Variants in SORCS3 observed in about 807,000 individuals in gnomAD.
SORCS3 encodes VPS10 domain-containing receptor SorCS3.
Under a neutral mutation model 146.3 loss-of-function variants are expected in SORCS3, and 57 were observed. The observed-to-expected ratio is 0.39, with a 90% CI of 0.31 to 0.49. The LOEUF (loss-of-function observed/expected upper bound fraction) is 0.49. Ranked by LOEUF, SORCS3 falls within the 20% of genes least tolerant of loss-of-function variation. The pLI, the probability that SORCS3 is intolerant of heterozygous loss-of-function variation, is 0.92. For synonymous variants in SORCS3, 653 were observed against 618.5 expected, an observed-to-expected ratio of 1.06 and a Z score of -0.83; for missense variants, 1,341 against 1,575.5, an observed-to-expected ratio of 0.85 and a Z score of 2.52.
chr10:105,061,042 T>C (rs1256625349), intron 5 of SORCS3, among the ~76,000 whole-genome samples: 3 of 152,144 alleles, frequency 2.0e-5, no homozygotes, highest in Admixed American at 2.0e-4. Flanking sequence ...ATGTGTAACA[T>C]CTAGAAACTA....
rs369318097 is a variant in SORCS3, at chr10:104,717,594, A to C, written c.627+75640A>C. Among the ~76,000 whole-genome samples the C allele has an allele frequency of 1.8e-4, 27 of 152,128 alleles. No individual in the cohort carries two copies. The East Asian group carries it at 3.7e-3, about 21-fold the overall frequency. On this transcript the variant is annotated intron_variant, in intron 1 of 26. Coordinates refer to ENST00000369701, the MANE Select transcript of SORCS3 (RefSeq NM_014978.3). ...TATGAGTGTCTTCTCCCTGATGATC[A>C]CATAGAAAACCCTGGGGCAGTGACA... is the stretch of plus-strand genomic sequence containing the variant.
intron 3 of SORCS3, among the ~76,000 whole-genome samples, chr10:104,955,565 A>G (rs937356545): frequency 2.6e-5 from 4 of 152,196 alleles, no homozygotes; most frequent in Admixed American, 1.3e-4. Flanking sequence ...TGTACAAAAT[A>G]TTCCCTGCTA....
At chr10:104,990,751 T>C (rs966707909) in intron 4 of SORCS3, among the ~76,000 whole-genome samples, 9 of 152,274 alleles carry the variant, frequency 5.9e-5, no homozygotes, top group Admixed American at 4.6e-4. Context: ...AGAAAGATGT[T>C]ACACAGAAGC....
intron 7 of SORCS3, among the ~76,000 whole-genome samples, chr10:105,109,786 C>T (rs572845303): frequency 8.0e-4 from 121 of 151,906 alleles, no homozygotes; most frequent in African/African-American, 2.3e-3. Flanking sequence ...TATATTGATA[C>T]AATATATTAT....
intron 2 of SORCS3, among the ~76,000 whole-genome samples, chr10:104,915,036 G>C (rs1415135703): frequency 2.0e-5 from 3 of 152,104 alleles, no homozygotes; most frequent in Admixed American, 2.0e-4. Context: ...GAACAGTATG[G>C]CAGGGAGGTC....
At chr10:105,133,755 A>G (rs996147095) in intron 7 of SORCS3, among the ~76,000 whole-genome samples, 26 of 152,046 alleles carry the variant, frequency 1.7e-4, no homozygotes, top group African/African-American at 6.3e-4. Context: ...TCACTTTGAG[A>G]CCAGCCTGGG....
Position 105,167,385 on chromosome 10 carries a change from G to A in SORCS3, c.1901+36G>A, listed in dbSNP as rs539272034. 8.8e-5 allele frequency: 132 copies of A among 1,500,450 alleles called. 1 individual carries two copies. The East Asian group carries it at 2.9e-3, about 33-fold the overall frequency. 92.9% of individuals were successfully genotyped at this position (1,500,450 alleles called of 1,614,324 possible). A position where few individuals can be genotyped will look rare whatever the true frequency, so the allele number is the denominator to read the frequency against. ...CTCCCTACCCTATTAATGAGCTAAT[G>A]AGCAGCTTTTTAGTGGAGAGGATTG... On this transcript the variant is annotated intron_variant, in intron 13 of 26. Transcript: ENST00000369701.
intron 1 of SORCS3, among the ~76,000 whole-genome samples, chr10:104,841,049 T>G (rs960081183): frequency 5.3e-5 from 8 of 151,792 alleles, no homozygotes; most frequent in African/African-American, 1.5e-4. Context: ...AACTTTGAGG[T>G]GTGTGTGTGT....
chr10:104,926,992 A>T (rs950945030), intron 3 of SORCS3, among the ~76,000 whole-genome samples: 1 of 152,218 alleles, frequency 6.6e-6, no homozygotes, highest in African/African-American at 2.4e-5. Flanking sequence ...CATTAAGATT[A>T]TCCAGACATT....
chr10:105,020,680 A>G (rs1449653060), intron 4 of SORCS3, among the ~76,000 whole-genome samples: 2 of 152,158 alleles, frequency 1.3e-5, no homozygotes, highest in Non-Finnish European at 2.9e-5. Flanking sequence ...AATAAAAACT[A>G]TGTTTGGCCC....
chr10:105,040,266 A>G (rs946392293), intron 4 of SORCS3, among the ~76,000 whole-genome samples: 1 of 152,172 alleles, frequency 6.6e-6, no homozygotes, highest in African/African-American at 2.4e-5. Flanking sequence ...ATAAATATAC[A>G]TACAAGATAT....
chr10:104,938,686 A>G (rs906405565), intron 3 of SORCS3, among the ~76,000 whole-genome samples: 3 of 152,128 alleles, frequency 2.0e-5, no homozygotes, highest in Non-Finnish European at 2.9e-5. Flanking sequence ...CCAACATATT[A>G]TCTTTTAATG....
At chr10:105,222,695 A>G (rs2119669695) in intron 19 of SORCS3, among the ~76,000 whole-genome samples, 1 of 152,256 alleles carries the variant, frequency 6.6e-6, no homozygotes, top group South Asian at 2.1e-4. Flanking sequence ...GGAGATGGAA[A>G]CCCATTAACA....
intron 2 of SORCS3, among the ~76,000 whole-genome samples, chr10:104,900,787 G>C (rs749621794): frequency 6.6e-6 from 1 of 151,322 alleles, no homozygotes; most frequent in Non-Finnish European, 1.5e-5. Context: ...CCAGCTACTC[G>C]GGAGGCTGAG....
chr10:104,863,788 A>G (rs1285069104), intron 2 of SORCS3, among the ~76,000 whole-genome samples: 1 of 152,194 alleles, frequency 6.6e-6, no homozygotes, highest in Non-Finnish European at 1.5e-5. Flanking sequence ...GCTCTGTAGC[A>G]TATCTTACAT....
rs1280060949 is a variant in SORCS3, at chr10:104,696,363, ATATATAG to A, written c.627+54416_627+54422del. ...ATATGATATATATCATATATATATCATATATAGTATATAATATATATTATATAATATA... is the reference window on the plus strand; with the variant it reads ...ATATGATATATATCATATATATATCATATATAATATATATTATATAATATA... On this transcript the variant is annotated intron_variant, in intron 1 of 26. Coordinates refer to ENST00000369701, the MANE Select transcript of SORCS3 (RefSeq NM_014978.3). 4.3e-4 allele frequency among the ~76,000 whole-genome samples: 8 copies of A among 18,600 alleles called. 4 individuals are homozygous for A. Among genetic ancestry groups the A allele is most frequent in the Non-Finnish European group, 8.1e-4 (8 of 9,934 alleles). The allele number at this position is 18,600 out of a possible 152,430, so 12.2% of individuals were successfully genotyped here. A position where few individuals can be genotyped will look rare whatever the true frequency, so the allele number is the denominator to read the frequency against.
chr10:104,985,446 A>T (rs1451197498), intron 4 of SORCS3, among the ~76,000 whole-genome samples: 2 of 151,872 alleles, frequency 1.3e-5, no homozygotes, highest in Non-Finnish European at 2.9e-5. Context: ...GAAGTCTTGA[A>T]CCTCTCAAAG....
At chr10:105,190,286 T>C (rs1268099189) in intron 14 of SORCS3, among the ~76,000 whole-genome samples, 1 of 152,270 alleles carries the variant, frequency 6.6e-6, no homozygotes, top group African/African-American at 2.4e-5. Context: ...TATTTAACTT[T>C]TCTGAACCTC....
chr10:104,985,790 A>C (rs899369506), intron 4 of SORCS3, among the ~76,000 whole-genome samples: 1 of 152,220 alleles, frequency 6.6e-6, no homozygotes, highest in Non-Finnish European at 1.5e-5. Context: ...GTTAATAAGC[A>C]GTAATAGTTT....
Sources: allele counts gnomAD v4.1 joint callset (sites outside exome capture counted in the v4.1 genomes callset), GRCh38; gene constraint gnomAD v4.1.1; transcripts MANE v1.5; gene names NCBI Gene and HGNC (gene_info 2026-07-23, HGNC 2026-07-21).